GBE1: variants seen among roughly 807,000 people sequenced by gnomAD.
The protein encoded by GBE1 is 1,4-alpha-glucan-branching enzyme.
A neutral mutation model predicts 88.8 loss-of-function variants in GBE1; 70 were observed. The observed-to-expected ratio is 0.79, with a 90% CI of 0.65 to 0.96. The LOEUF (loss-of-function observed/expected upper bound fraction) is 0.96. GBE1 is among the 40% of genes least tolerant of loss of function. GBE1 has a pLI of 0.00. For missense variants in GBE1, 872 were observed against 871.0 expected (o/e 1.00, Z -0.01); for synonymous variants, 284 against 300.1 (o/e 0.95, Z 0.56).
chr3:81,680,703 G>C (rs912887498), intron 2 of GBE1, among the ~76,000 whole-genome samples: 1 of 152,120 alleles, frequency 6.6e-6, no homozygotes, highest in South Asian at 2.1e-4. Context: ...CCCAAATGTG[G>C]TAATATTTGG....
chr3:81,569,939 G>A (rs1361533238), intron 12 of GBE1, among the ~76,000 whole-genome samples: 9 of 151,624 alleles, frequency 5.9e-5, no homozygotes, highest in African/African-American at 2.2e-4. Flanking sequence ...TCAGCCTCCC[G>A]AGTAGCTGGG....
At chr3:81,666,923 C>T (rs192082698) in intron 3 of GBE1, among the ~76,000 whole-genome samples, 33 of 152,172 alleles carry the variant, frequency 2.2e-4, no homozygotes, top group Middle Eastern at 3.4e-3. Context: ...CTTTAGAGAG[C>T]TCAATTGTAG....
intron 1 of GBE1, among the ~76,000 whole-genome samples, chr3:81,747,787 C>T (rs1000198396): frequency 2.0e-5 from 3 of 152,180 alleles, no homozygotes; most frequent in Non-Finnish European, 2.9e-5. Flanking sequence ...CTTGTGACCC[C>T]CGCCCCTGCC....
chr3:81,542,868 A>C (rs1339571004), intron 12 of GBE1, among the ~76,000 whole-genome samples: 1 of 152,124 alleles, frequency 6.6e-6, no homozygotes, highest in Non-Finnish European at 1.5e-5. Flanking sequence ...AATTATTTTT[A>C]AAAAGTAACT....
In GBE1 at chr3:81,642,934, C is replaced by T. The variant is rs28763902; in HGVS notation, c.839G>A (p.Gly280Asp). 3.3e-3 allele frequency: 5,384 copies of T among 1,612,910 alleles called. 26 individuals carry two copies. Among genetic ancestry groups the T allele is most frequent in the Admixed American group, 3.5e-3 (212 of 59,894 alleles). The change falls in exon 7 of 16, where the codon GGT (glycine) becomes GAT (aspartate). Residue 280 changes from glycine (G) to aspartate (D), a missense_variant. Physicochemically the swap from Gly to Asp is moderately conservative, Grantham distance 94. Coordinates refer to ENST00000429644, the MANE Select transcript of GBE1 (RefSeq NM_000158.4). ...TACCACATCTAAGAGGACTATGATA[C>T]CCATGGAATGAGCTGTGTCTACCAG... ...QELVDTAHSM[G>D]IIVLLDVVHS...
chr3:81,525,324 G>T (rs1702929414), intron 14 of GBE1, among the ~76,000 whole-genome samples: 1 of 151,896 alleles, frequency 6.6e-6, no homozygotes, highest in African/African-American at 2.4e-5. Flanking sequence ...TTTATATGCT[G>T]GATTACATTT....
At chr3:81,533,321 T>C (rs1703033222) in intron 14 of GBE1, among the ~76,000 whole-genome samples, 1 of 152,084 alleles carries the variant, frequency 6.6e-6, no homozygotes, top group Non-Finnish European at 1.5e-5. Context: ...TGTACTTCTT[T>C]AGTGTAGATA....
intron 14 of GBE1, among the ~76,000 whole-genome samples, chr3:81,505,116 T>G (rs1702636759): frequency 6.6e-6 from 1 of 152,202 alleles, no homozygotes; most frequent in Non-Finnish European, 1.5e-5. Context: ...TATTGTAAGA[T>G]ACATTCCAAC....
chr3:81,612,612 G>GA, intron 7 of GBE1: 1 of 614,324 alleles, frequency 1.6e-6, no homozygotes, highest in South Asian at 1.4e-5. Flanking sequence ...GACCTCTTCT[G>GA]AAAAAGTGGT....
At chr3:81,646,539 G>T in intron 5 of GBE1, 57 bp from the exon 6 acceptor site, 1 of 957,676 alleles carries the variant, frequency 1.0e-6, no homozygotes, top group Non-Finnish European at 1.6e-6. Context: ...AAAAAGTAAT[G>T]GGGAAAAAAA....
intron 1 of GBE1, among the ~76,000 whole-genome samples, chr3:81,752,567 A>C (rs896605909): frequency 3.3e-5 from 5 of 152,178 alleles, no homozygotes; most frequent in Non-Finnish European, 2.9e-5. Flanking sequence ...CAATAAAAGG[A>C]GCTTTGTGCT....
chr3:81,547,407 G>A (rs770457278), intron 12 of GBE1, among the ~76,000 whole-genome samples: 3 of 151,460 alleles, frequency 2.0e-5, no homozygotes, highest in Non-Finnish European at 3.0e-5. Context: ...AGTTGCAGGT[G>A]ACAGAATTAC....
At chr3:81,751,212 A>G (rs1706524724) in intron 1 of GBE1, among the ~76,000 whole-genome samples, 1 of 152,240 alleles carries the variant, frequency 6.6e-6, no homozygotes, top group South Asian at 2.1e-4. Context: ...GACTCCTCTC[A>G]GGAACAGTAG....
intron 14 of GBE1, among the ~76,000 whole-genome samples, chr3:81,532,248 T>C (rs865936610): frequency 2.0e-5 from 3 of 151,994 alleles, no homozygotes; most frequent in Non-Finnish European, 4.4e-5. Flanking sequence ...AATTGTTCAA[T>C]TTGGTGTTCC....
At chr3:81,510,607 C>T (rs147806744) in intron 14 of GBE1, among the ~76,000 whole-genome samples, 52 of 152,074 alleles carry the variant, frequency 3.4e-4, no homozygotes, top group Middle Eastern at 6.8e-3. Flanking sequence ...AACATTTCCC[C>T]ATATGCATTT....
At chr3:81,688,904 T>C (rs1314577528) in intron 2 of GBE1, among the ~76,000 whole-genome samples, 1 of 151,912 alleles carries the variant, frequency 6.6e-6, no homozygotes. Context: ...ATATAAACTA[T>C]ATCCATTCAA....
chr3:81,752,100 TA>T (rs1185642765), intron 1 of GBE1, among the ~76,000 whole-genome samples: 1 of 152,168 alleles, frequency 6.6e-6, no homozygotes, highest in Admixed American at 6.5e-5. Flanking sequence ...ATGGATCTAC[TA>T]AAATACATAT....
intron 2 of GBE1, among the ~76,000 whole-genome samples, chr3:81,692,222 C>T (rs1348488083): frequency 1.3e-5 from 2 of 152,134 alleles, no homozygotes; most frequent in East Asian, 3.8e-4. Context: ...TAAAAGTGCT[C>T]AATTAGATAG....
chr3:81,504,702 G>A (rs963004187), intron 14 of GBE1, among the ~76,000 whole-genome samples: 2 of 152,124 alleles, frequency 1.3e-5, no homozygotes, highest in Non-Finnish European at 2.9e-5. Flanking sequence ...CCAGTGTTCT[G>A]AAGGAGGCCT....
Sources: allele counts gnomAD v4.1 joint callset (sites outside exome capture counted in the v4.1 genomes callset), GRCh38; gene constraint gnomAD v4.1.1; transcripts MANE v1.5; gene names NCBI Gene and HGNC (gene_info 2026-07-23, HGNC 2026-07-21).